The following CHST15 variants were observed in gnomAD, a reference collection of about 807,000 sequenced individuals.
CHST15 encodes carbohydrate sulfotransferase 15, also known as B cell RAG associated protein (GALNAC4S-6ST).
A neutral mutation model predicts 53.6 loss-of-function variants in CHST15; 30 were observed. The observed-to-expected ratio is 0.56, with a 90% CI of 0.42 to 0.76. The LOEUF (loss-of-function observed/expected upper bound fraction) is 0.76, where lower values mean the gene tolerates loss of function less well. Among genes scored for constraint, CHST15 ranks in the 30% least tolerant of loss-of-function variants. The probability of loss-of-function intolerance (pLI) is 0.00; values close to 1 mark genes in which losing one functional copy is unlikely to be tolerated. For synonymous variants in CHST15, 296 were observed against 289.8 expected (o/e 1.02, Z -0.22); for missense variants, 627 against 740.5 (o/e 0.85, Z 1.78).
In CHST15 at chr10:124,075,547, C is replaced by T. The variant is rs568383701; in HGVS notation, c.-513+17922G>A. ...CTAGCGGTGGTGCACAGTCTCTCCC[C>T]CAAGACGCTGCTCGGAAGAGATCTG... On this transcript the variant is annotated intron_variant, in intron 1 of 7. Transcript: ENST00000435907. 5.9e-5 allele frequency among the ~76,000 whole-genome samples: 9 copies of T among 152,216 alleles called. No homozygotes were observed. The South Asian group carries it at 1.5e-3, about 25-fold the overall frequency.
chr10:124,046,528 C>CA lies in CHST15; in HGVS notation c.-317dup. Reference sequence around the variant, plus strand: ...TGCCCTTCAGGTTTTTCCCATGGCACAAAAAAAGGTGGAAGAATTCTCACT... The same window carrying CA: ...TGCCCTTCAGGTTTTTCCCATGGCACAAAAAAAAGGTGGAAGAATTCTCACT... On this transcript the variant is annotated 5_prime_UTR_variant, in exon 2 of 8. An upstream open reading frame in the 5' UTR loses its in-frame stop. Coordinates refer to ENST00000435907, the MANE Select transcript of CHST15 (RefSeq NM_001270764.2). The CA allele has an allele frequency of 3.8e-6, 1 of 260,424 alleles. No individual in the cohort carries two copies. Among genetic ancestry groups the CA allele is most frequent in the East Asian group, 7.1e-5 (1 of 14,084 alleles). 16.1% of individuals were successfully genotyped at this position (260,424 alleles called of 1,614,324 possible).
intron 1 of CHST15, among the ~76,000 whole-genome samples, chr10:124,072,064 A>C (rs565391386): frequency 1.3e-5 from 2 of 152,158 alleles, no homozygotes; most frequent in Non-Finnish European, 2.9e-5. Context: ...TGCTTCCCCA[A>C]ATTGAGTAAA....
intron 1 of CHST15, among the ~76,000 whole-genome samples, chr10:124,060,395 C>T (rs1437167839): frequency 6.7e-6 from 1 of 149,726 alleles, no homozygotes; most frequent in East Asian, 2.0e-4. Flanking sequence ...TGCCAGGCCC[C>T]CCAGGGGTGT....
Position 124,065,509 on chromosome 10 carries a change from A to T in CHST15, c.-512-18785T>A, listed in dbSNP as rs561791958. Among the ~76,000 whole-genome samples, 4 of 152,212 alleles carry T rather than the reference A, an allele frequency of 2.6e-5. No individual in the cohort carries two copies. In the East Asian group the frequency reaches 7.7e-4, roughly 29 times the overall value. ...CTTTCAGGCAAATTGTTGTCACCCA[A>T]CCCTGCTGTGGGACTGCTGGGGGTT... On this transcript the variant is annotated intron_variant, in intron 1 of 7. Coordinates refer to ENST00000435907, the MANE Select transcript of CHST15 (RefSeq NM_001270764.2).
At chr10:124,085,131 T>G (rs1004469407) in intron 1 of CHST15, among the ~76,000 whole-genome samples, 24 of 152,186 alleles carry the variant, frequency 1.6e-4, no homozygotes, top group Non-Finnish European at 3.4e-4. Flanking sequence ...ATAGTCTGAT[T>G]TGGGGTTTGG....
chr10:124,081,358 G>A (rs552473739), intron 1 of CHST15, among the ~76,000 whole-genome samples: 85 of 17,184 alleles, frequency 4.9e-3, no homozygotes, highest in African/African-American at 0.03. Context: ...ACACATGCAC[G>A]CATGCACACA....
intron 5 of CHST15, among the ~76,000 whole-genome samples, chr10:124,026,482 G>T (rs1424904509): frequency 1.3e-5 from 2 of 152,206 alleles, no homozygotes; most frequent in Admixed American, 1.3e-4. Flanking sequence ...GGCCAGACAG[G>T]CACACTGTGG....
intron 6 of CHST15, among the ~76,000 whole-genome samples, chr10:124,015,763 G>A (rs941647449): frequency 6.6e-6 from 1 of 152,258 alleles, no homozygotes; most frequent in African/African-American, 2.4e-5. Context: ...GCAATCTCAT[G>A]GAGACAGAGC....
intron 5 of CHST15, among the ~76,000 whole-genome samples, chr10:124,033,058 G>A (rs1001858015): frequency 2.6e-5 from 4 of 152,336 alleles, no homozygotes; most frequent in African/African-American, 7.2e-5. Flanking sequence ...TTCCAGAAGT[G>A]CAAGGTCACA....
intron 5 of CHST15, 127 bp from the exon 6 acceptor site, chr10:124,021,539 T>A: frequency 6.8e-7 from 1 of 1,463,498 alleles, no homozygotes; most frequent in Middle Eastern, 1.8e-4. Flanking sequence ...CCACCCTTCT[T>A]CTTTCCCTTG....
In CHST15 at chr10:124,044,811, C is replaced by T. The variant is rs765371622; in HGVS notation, c.655G>A (p.Val219Met). The T allele has an allele frequency of 2.2e-5, 35 of 1,592,964 alleles. No homozygotes were observed. The highest frequency in any genetic ancestry group is 2.7e-5 in the Non-Finnish European group (32 of 1,167,592). The change falls in exon 3 of 8, where the codon GTG becomes ATG. Residue 219 changes from valine (V) to methionine (M), a missense_variant. Transcript: ENST00000435907. ...GAGCGGAAGCGCTTGGAGTAGAGCACGTAGGAGTTGGTGAGGTAGGGGTCG... is the reference window on the plus strand; with the variant it reads ...GAGCGGAAGCGCTTGGAGTAGAGCATGTAGGAGTTGGTGAGGTAGGGGTCG... ...TTDPYLTNSY[V>M]LYSKRFRSTF...
intron 5 of CHST15, among the ~76,000 whole-genome samples, chr10:124,025,602 T>G (rs778171011): frequency 2.6e-5 from 4 of 152,192 alleles, no homozygotes; most frequent in Non-Finnish European, 5.9e-5. Flanking sequence ...GTTGGATGGA[T>G]AGTGGACACC....
chr10:124,083,934 G>T (rs986649799), intron 1 of CHST15, among the ~76,000 whole-genome samples: 6 of 152,190 alleles, frequency 3.9e-5, no homozygotes, highest in Non-Finnish European at 5.9e-5. Flanking sequence ...GTAAGCCTCC[G>T]CAGTTCAACA....
intron 1 of CHST15, among the ~76,000 whole-genome samples, chr10:124,075,961 G>T (rs1415411480): frequency 6.6e-6 from 1 of 152,172 alleles, no homozygotes; most frequent in Non-Finnish European, 1.5e-5. Context: ...CCGGGATCCA[G>T]AATGACAAGG....
At chr10:124,090,499 T>C (rs1949571166) in intron 1 of CHST15, among the ~76,000 whole-genome samples, 1 of 152,202 alleles carries the variant, frequency 6.6e-6, no homozygotes, top group Non-Finnish European at 1.5e-5. Context: ...CTAGTTAACT[T>C]GGAATTTCTT....
intron 1 of CHST15, among the ~76,000 whole-genome samples, chr10:124,053,399 G>A (rs569712699): frequency 1.2e-4 from 19 of 152,330 alleles, no homozygotes; most frequent in African/African-American, 4.3e-4. Context: ...GGTGGAGCAG[G>A]GCCACCTGGC....
chr10:124,065,822 G>A (rs772542321), intron 1 of CHST15, among the ~76,000 whole-genome samples: 23 of 151,928 alleles, frequency 1.5e-4, no homozygotes, highest in Admixed American at 4.6e-4. Flanking sequence ...TCTCAGTTTC[G>A]TATAACCCTT....
chr10:124,084,186 G>A (rs966573498), intron 1 of CHST15, among the ~76,000 whole-genome samples: 11 of 152,260 alleles, frequency 7.2e-5, no homozygotes, highest in African/African-American at 2.2e-4. Flanking sequence ...CAAGGGCAGG[G>A]GCCACGCGCT....
chr10:124,084,151 G>A (rs144060724), intron 1 of CHST15, among the ~76,000 whole-genome samples: 386 of 152,284 alleles, frequency 2.5e-3, no homozygotes, highest in African/African-American at 9.0e-3. Flanking sequence ...AGTGTTCAGT[G>A]GGACGGAGGA....
Sources: gnomAD v4.1 joint callset for allele counts (sites outside exome capture counted in the v4.1 genomes callset) on GRCh38, gnomAD v4.1.1 for gene constraint, MANE v1.5 for transcripts, NCBI Gene and HGNC (gene_info 2026-07-23, HGNC 2026-07-21) for gene names.